Variants in DDX19B observed in about 807,000 individuals in gnomAD.
The protein encoded by DDX19B is ATP-dependent RNA helicase DDX19B.
A neutral mutation model predicts 58.1 loss-of-function variants in DDX19B; 27 were observed. The ratio of observed to expected loss-of-function variants is 0.46; its 90% CI spans 0.34 to 0.64. The LOEUF (loss-of-function observed/expected upper bound fraction) is 0.64, where lower values mean the gene tolerates loss of function less well. DDX19B is among the 30% of genes least tolerant of loss of function. The probability of loss-of-function intolerance (pLI) is 0.01; values close to 1 mark genes in which losing one functional copy is unlikely to be tolerated. For missense variants in DDX19B, 399 were observed against 596.5 expected, an observed-to-expected ratio of 0.67 and a Z score of 3.45; for synonymous variants, 187 against 214.4, an observed-to-expected ratio of 0.87 and a Z score of 1.12.
chr16:70,329,221 T>G (rs1456761993), intron 7 of DDX19B, 71 bp from the exon 8 acceptor site: 29 of 1,106,350 alleles, frequency 2.6e-5, no homozygotes, highest in Non-Finnish European at 3.6e-5. Flanking sequence ...AGACTCTGTC[T>G]CAAAAAAAAA....
At chr16:70,325,902 G>A (rs1031281250) in intron 7 of DDX19B, among the ~76,000 whole-genome samples, 1 of 152,144 alleles carries the variant, frequency 6.6e-6, no homozygotes, top group African/African-American at 2.4e-5. Context: ...ACCTCATGAG[G>A]ACATTCTTTG....
intron 5 of DDX19B, among the ~76,000 whole-genome samples, chr16:70,323,940 G>A (rs1202490175): frequency 6.6e-6 from 1 of 152,078 alleles, no homozygotes; most frequent in African/African-American, 2.4e-5. Flanking sequence ...GTTATCTGGG[G>A]ACAGTTGTCC....
intron 10 of DDX19B, among the ~76,000 whole-genome samples, chr16:70,332,750 G>A (rs1238973456): frequency 6.6e-6 from 1 of 152,016 alleles, no homozygotes; most frequent in Non-Finnish European, 1.5e-5. Context: ...CCTGACCCGT[G>A]CTAGTTTGGT....
At chr16:70,308,427 G>C (rs1368628154) in intron 1 of DDX19B, among the ~76,000 whole-genome samples, 1 of 151,002 alleles carries the variant, frequency 6.6e-6, no homozygotes, top group African/African-American at 2.4e-5. Context: ...AGTAGAGACA[G>C]GGTTTTACCA....
upstream of DDX19B, among the ~76,000 whole-genome samples, chr16:70,292,769 C>A (rs1261759205): frequency 6.6e-6 from 1 of 152,116 alleles, no homozygotes; most frequent in Admixed American, 6.6e-5. Flanking sequence ...TGAAATAGTA[C>A]AACAGCTGTG....
upstream of DDX19B, among the ~76,000 whole-genome samples, chr16:70,295,932 C>G (rs552000336): frequency 2.0e-5 from 3 of 151,706 alleles, no homozygotes; most frequent in South Asian, 2.1e-4. Flanking sequence ...AAAGCATACT[C>G]AATCCACCCC....
chr16:70,312,730 C>G (rs965331699), intron 2 of DDX19B, 73 bp downstream of exon 2: 49 of 1,361,476 alleles, frequency 3.6e-5, no homozygotes, highest in Non-Finnish European at 4.0e-5. Flanking sequence ...TAACAACTGT[C>G]TGGAAAAAAA....
At chr16:70,316,290 A>G (rs1597480693) in intron 4 of DDX19B, 186 bp downstream of exon 4, 2 of 733,682 alleles carry the variant, frequency 2.7e-6, no homozygotes, top group Non-Finnish European at 4.1e-6. Context: ...GCTCACTGCA[A>G]CCTCCGCCTC....
chr16:70,327,047 G>T (rs1383649970), intron 7 of DDX19B, among the ~76,000 whole-genome samples: 1 of 149,334 alleles, frequency 6.7e-6, no homozygotes, highest in Non-Finnish European at 1.5e-5. Context: ...TGTTAGCCAG[G>T]ATGGTCTCTA....
intron 2 of DDX19B, 81 bp from the exon 3 acceptor site, chr16:70,314,821 C>G (rs764092657): frequency 5.9e-6 from 9 of 1,513,408 alleles, no homozygotes; most frequent in Non-Finnish European, 7.3e-6. Context: ...ACAAAAACTT[C>G]TAGTGTCATA....
intron 6 of DDX19B, 85 bp downstream of exon 6, chr16:70,324,772 C>G (rs1963052921): frequency 7.4e-7 from 1 of 1,357,146 alleles, no homozygotes; most frequent in Non-Finnish European, 1.0e-6. Context: ...AAGCTATGGG[C>G]TGGGTGCAGT....
chr16:70,314,829 A>G (rs756203577), intron 2 of DDX19B, 73 bp from the exon 3 acceptor site: 2 of 1,551,392 alleles, frequency 1.3e-6, no homozygotes, highest in Non-Finnish European at 1.8e-6. Context: ...TTCTAGTGTC[A>G]TAGAATTTGA....
chr16:70,306,075 T>C (rs1961737277), intron 1 of DDX19B, among the ~76,000 whole-genome samples: 1 of 151,898 alleles, frequency 6.6e-6, no homozygotes, highest in African/African-American at 2.4e-5. Context: ...TTTTTTTTAT[T>C]TTTTAGTTCT....
chr16:70,308,438 T>C (rs1168348139), intron 1 of DDX19B, among the ~76,000 whole-genome samples: 1 of 151,636 alleles, frequency 6.6e-6, no homozygotes, highest in Non-Finnish European at 1.5e-5. Flanking sequence ...GGTTTTACCA[T>C]GTTGGTCAGG....
At chr16:70,292,595 A>C (rs1304505877), upstream of DDX19B, among the ~76,000 whole-genome samples, 3 of 152,124 alleles carry the variant, frequency 2.0e-5, no homozygotes, top group South Asian at 2.1e-4. Flanking sequence ...TCTTAATGCA[A>C]TGTGCAAATT....
chr16:70,314,385 G>A (rs1962254338), intron 2 of DDX19B, among the ~76,000 whole-genome samples: 1 of 152,080 alleles, frequency 6.6e-6, no homozygotes, highest in African/African-American at 2.4e-5. Context: ...AACAGAGGCC[G>A]GGCGCGGTAG....
intron 7 of DDX19B, among the ~76,000 whole-genome samples, 177 bp downstream of exon 7, chr16:70,325,865 C>T (rs1963115828): frequency 6.6e-6 from 1 of 152,092 alleles, no homozygotes; most frequent in South Asian, 2.1e-4. Context: ...TTTTGTCAAA[C>T]CATTTGAAAG....
chr16:70,328,019 T>G (rs1284441747), intron 7 of DDX19B, among the ~76,000 whole-genome samples: 1 of 151,796 alleles, frequency 6.6e-6, no homozygotes, highest in Non-Finnish European at 1.5e-5. Flanking sequence ...CTGGGCATGG[T>G]GGTGCACACC....
chr16:70,296,947 G>A (rs1332923876), upstream of DDX19B, among the ~76,000 whole-genome samples: 1 of 152,032 alleles, frequency 6.6e-6, no homozygotes, highest in Non-Finnish European at 1.5e-5. Context: ...ACAGAGTCTT[G>A]CTCTGTCGTC....
Sources: gnomAD v4.1 joint callset for allele counts (sites outside exome capture counted in the v4.1 genomes callset) on GRCh38, gnomAD v4.1.1 for gene constraint, MANE v1.5 for transcripts, NCBI Gene and HGNC (gene_info 2026-07-23, HGNC 2026-07-21) for gene names.